The following MTUS2 variants were observed in gnomAD, a reference collection of about 807,000 sequenced individuals.
MTUS2 encodes the protein microtubule associated scaffold protein 2.
MTUS2 carries 40 observed loss-of-function variants against 114.1 expected under a neutral mutation model. The observed-to-expected ratio is 0.35, with a 90% confidence interval of 0.27 to 0.46. The LOEUF is 0.46. Among genes scored for constraint, MTUS2 ranks in the 20% least tolerant of loss-of-function variants. The pLI, the probability that MTUS2 is intolerant of heterozygous loss-of-function variation, is 1.00. For synonymous variants in MTUS2, 688 were observed against 672.0 expected, an observed-to-expected ratio of 1.02 and a Z score of -0.37; for missense variants, 1,679 against 1,705.4, an observed-to-expected ratio of 0.98 and a Z score of 0.27.
At chr13:29,375,570 TA>T (rs1871590251) in intron 8 of MTUS2, among the ~76,000 whole-genome samples, 1 of 4,050 alleles carries the variant, frequency 2.5e-4, no homozygotes, top group African/African-American at 5.4e-4. Flanking sequence ...TATATATATA[TA>T]TACATATATA....
intron 2 of MTUS2, among the ~76,000 whole-genome samples, chr13:28,901,803 G>A (rs1216743076): frequency 6.6e-6 from 1 of 152,066 alleles, no homozygotes; most frequent in Non-Finnish European, 1.5e-5. Context: ...TCTTCCTATT[G>A]TGTTTTTTCC....
intron 2 of MTUS2, among the ~76,000 whole-genome samples, chr13:28,953,688 T>C (rs1214133833): frequency 6.6e-6 from 1 of 152,230 alleles, no homozygotes; most frequent in African/African-American, 2.4e-5. Context: ...GGATAAGCTC[T>C]CCATGCATTC....
chr13:28,983,921 C>G (rs1593355638), intron 2 of MTUS2, among the ~76,000 whole-genome samples: 2 of 152,352 alleles, frequency 1.3e-5, no homozygotes, highest in African/African-American at 4.8e-5. Flanking sequence ...TTAGCACAGG[C>G]ACTCGCAGCT....
At chr13:29,200,651 G>A (rs1395963038) in intron 5 of MTUS2, among the ~76,000 whole-genome samples, 1 of 149,780 alleles carries the variant, frequency 6.7e-6, no homozygotes, top group Non-Finnish European at 1.5e-5. Context: ...CTCCCAAGTA[G>A]TGGGAATTAC....
chr13:29,260,869 T>C (rs1326408076), intron 5 of MTUS2, among the ~76,000 whole-genome samples: 2 of 152,184 alleles, frequency 1.3e-5, no homozygotes, highest in Non-Finnish European at 1.5e-5. Context: ...GGGAGATTGC[T>C]ACTGGCATCT....
At chr13:29,200,155 A>G (rs114147166) in intron 5 of MTUS2, among the ~76,000 whole-genome samples, 1,804 of 150,674 alleles carry the variant, frequency 0.012, 17 homozygotes, top group Middle Eastern at 0.031. Context: ...GGATTCATTG[A>G]CTTTTTTTTA....
intron 6 of MTUS2, among the ~76,000 whole-genome samples, chr13:29,318,386 T>G: frequency 2.0e-5 from 1 of 50,102 alleles, no homozygotes; most frequent in Non-Finnish European, 7.2e-5. Context: ...TTGTTATTTC[T>G]TTTTCTTTTT....
intron 2 of MTUS2, among the ~76,000 whole-genome samples, chr13:28,880,558 A>G (rs1394792154): frequency 3.3e-5 from 5 of 152,250 alleles, no homozygotes; most frequent in Non-Finnish European, 1.5e-5. Context: ...TTGAAGATCA[A>G]TGTACTTAGA....
intron 4 of MTUS2, among the ~76,000 whole-genome samples, chr13:29,052,459 C>CAAAAAAAAAAAAAAAAA (rs11325314): frequency 1.1e-5 from 1 of 94,862 alleles, no homozygotes; most frequent in Non-Finnish European, 2.1e-5. Flanking sequence ...CTAGCCTGAG[C>CAAAAAAAAAAAAAAAAA]AAAAAAAAAA....
At chr13:29,405,594 C>T (rs962916548) in intron 8 of MTUS2, among the ~76,000 whole-genome samples, 1 of 152,114 alleles carries the variant, frequency 6.6e-6, no homozygotes, top group Non-Finnish European at 1.5e-5. Flanking sequence ...AGAGCAGAGT[C>T]GCCCACTGCA....
At chr13:29,157,635 T>A (rs561859723) in intron 5 of MTUS2, among the ~76,000 whole-genome samples, 2 of 152,264 alleles carry the variant, frequency 1.3e-5, no homozygotes, top group Admixed American at 1.3e-4. Flanking sequence ...TCTCTTTCTG[T>A]CCTGGAGAGA....
rs1231801352 is a variant in MTUS2 at position 29,504,960 on chromosome 13, C to T, written c.*1754C>T. The T allele has an allele frequency of 8.6e-6, 2 of 232,586 alleles. No individual in the cohort carries two copies. The highest frequency in any genetic ancestry group is 5.6e-5 in the Admixed American group (1 of 17,746). 14.4% of individuals were successfully genotyped at this position (232,586 alleles called of 1,614,324 possible). A position where few individuals can be genotyped will look rare whatever the true frequency, so the allele number is the denominator to read the frequency against. On this transcript the variant is annotated 3_prime_UTR_variant, in exon 16 of 16. Coordinates refer to ENST00000612955, the MANE Select transcript of MTUS2 (RefSeq NM_001033602.4). ...ACGTGAAGGCAGACATGGTCCCTGG[C>T]CCTAGGATGAGTCCACGCTGGGCTT...
At chr13:29,027,967 C>T (rs1886639189) in intron 3 of MTUS2, among the ~76,000 whole-genome samples, 1 of 152,228 alleles carries the variant, frequency 6.6e-6, no homozygotes, top group South Asian at 2.1e-4. Context: ...ACTGTGCTGT[C>T]CTTTTTAGCT....
chr13:29,000,452 C>T (rs941845129), intron 2 of MTUS2, among the ~76,000 whole-genome samples: 10 of 151,926 alleles, frequency 6.6e-5, no homozygotes, highest in Non-Finnish European at 1.3e-4. Context: ...AACCTCCACC[C>T]CCTGGGTTTA....
chr13:28,949,274 G>C (rs1201098010), intron 2 of MTUS2, among the ~76,000 whole-genome samples: 1 of 152,154 alleles, frequency 6.6e-6, no homozygotes, highest in East Asian at 1.9e-4. Flanking sequence ...AGTTTAATGG[G>C]CAGCTAGTTT....
chr13:28,909,655 C>G (rs1014053852), intron 2 of MTUS2, among the ~76,000 whole-genome samples: 2 of 152,250 alleles, frequency 1.3e-5, no homozygotes, highest in Middle Eastern at 3.4e-3. Context: ...TTCTATTCAA[C>G]ATAGTGTTGG....
intron 2 of MTUS2, among the ~76,000 whole-genome samples, chr13:28,876,296 C>T (rs759362290): frequency 1.2e-4 from 18 of 152,138 alleles, no homozygotes; most frequent in Admixed American, 2.6e-4. Flanking sequence ...CCATGTATAA[C>T]CTTCAGAGGT....
At position 29,389,545 on chromosome 13, in the gene MTUS2, ATGTATACACGTG is replaced by A. The variant is rs1873054846; in HGVS notation, c.3117+30079_3117+30090del. 1.9e-5 allele frequency among the ~76,000 whole-genome samples: 2 copies of A among 107,102 alleles called. 1 individual carries two copies. Among genetic ancestry groups the A allele is most frequent in the Non-Finnish European group, 3.6e-5 (2 of 56,014 alleles). The allele number at this position is 107,102 out of a possible 152,430, so 70.3% of individuals were successfully genotyped here. A position where few individuals can be genotyped will look rare whatever the true frequency, so the allele number is the denominator to read the frequency against. On this transcript the variant is annotated intron_variant, in intron 8 of 15. Coordinates refer to ENST00000612955, the MANE Select transcript of MTUS2 (RefSeq NM_001033602.4). ...TGTATATATGTATACACGTGTGTATATGTATACACGTGTGTATATGTGTACATATGTGTGTAT... is the reference window on the plus strand; with the variant it reads ...TGTATATATGTATACACGTGTGTATATGTATATGTGTACATATGTGTGTAT...
intron 2 of MTUS2, among the ~76,000 whole-genome samples, chr13:28,990,023 A>G (rs921940141): frequency 7.2e-5 from 11 of 152,130 alleles, no homozygotes; most frequent in African/African-American, 2.7e-4. Context: ...GGAAGGAGGT[A>G]GTGGAATCTT....
Sources: gnomAD v4.1 joint callset for allele counts (sites outside exome capture counted in the v4.1 genomes callset) on GRCh38, gnomAD v4.1.1 for gene constraint, MANE v1.5 for transcripts, NCBI Gene and HGNC (gene_info 2026-07-23, HGNC 2026-07-21) for gene names.